The following ACAT2 variants were observed in gnomAD, a reference collection of about 807,000 sequenced individuals.
ACAT2 encodes the protein acetyl-CoA acetyltransferase, cytosolic.
A neutral mutation model predicts 37.1 loss-of-function variants in ACAT2; 26 were observed. The ratio of observed to expected loss-of-function variants is 0.70; its 90% CI spans 0.51 to 0.97. The LOEUF (loss-of-function observed/expected upper bound fraction) is 0.97, where lower values mean the gene tolerates loss of function less well. Among genes scored for constraint, ACAT2 ranks in the 50% least tolerant of loss-of-function variants. The pLI, the probability that ACAT2 is intolerant of heterozygous loss-of-function variation, is 0.00. For synonymous variants in ACAT2, 156 were observed against 163.6 expected (o/e 0.95, Z 0.35); for missense variants, 468 against 489.0 (o/e 0.96, Z 0.40).
chr6:159,771,514 C>T (rs1003841726), intron 4 of ACAT2, among the ~76,000 whole-genome samples: 2 of 152,108 alleles, frequency 1.3e-5, no homozygotes, highest in Admixed American at 1.3e-4. Context: ...AAGAAAATTT[C>T]CACATTTGGT....
At position 159,778,205 on chromosome 6, in the gene ACAT2, C is replaced by CAT. The variant is rs745677067; in HGVS notation, c.951_952dup (p.Phe318TyrfsTer15). On this transcript the variant is annotated frameshift_variant, in exon 8 of 9. Coordinates refer to ENST00000367048, the MANE Select transcript of ACAT2 (RefSeq NM_005891.3). LOFTEE classifies it high-confidence loss of function. ...CAGGTTGGTCACTGGAAGATGTTGA[C>CAT]ATATTTGAAATCAATGAAGCCTTTG... 1.9e-6 allele frequency: 3 copies of CAT among 1,612,692 alleles called. No homozygotes were observed. Among genetic ancestry groups the CAT allele is most frequent in the Non-Finnish European group, 2.5e-6 (3 of 1,179,622 alleles).
intron 4 of ACAT2, among the ~76,000 whole-genome samples, chr6:159,771,383 A>G (rs1780334408): frequency 1.3e-5 from 2 of 152,214 alleles, no homozygotes; most frequent in African/African-American, 4.8e-5. Context: ...TCCGTCTCAA[A>G]AAAATAAAAT....
In ACAT2 at chr6:159,778,394, C is replaced by G. The variant is rs184043487; in HGVS notation, c.1023+114C>G. 4,351 of 505,068 alleles carry G rather than the reference C, an allele frequency of 8.6e-3. 48 individuals are homozygous for G. The highest frequency in any genetic ancestry group is 0.055 in the Middle Eastern group (167 of 3,012). 31.3% of individuals were successfully genotyped at this position (505,068 alleles called of 1,614,324 possible). On this transcript the variant is annotated intron_variant, in intron 8 of 8. Transcript: ENST00000367048. ...GTAATAGTTAAAGAAATACTAGTTA[C>G]TAGGACTGAGTTCATTACTTCCCAA...
At chr6:159,765,883 G>A (rs1780248645) in intron 2 of ACAT2, among the ~76,000 whole-genome samples, 1 of 152,112 alleles carries the variant, frequency 6.6e-6, no homozygotes, top group Non-Finnish European at 1.5e-5. Flanking sequence ...TTTTATCAGC[G>A]ACTTATTTGC....
In ACAT2 at chr6:159,777,825, T is replaced by A. The variant is rs183004642; in HGVS notation, c.913-345T>A. On this transcript the variant is annotated intron_variant, in intron 7 of 8. Transcript: ENST00000367048. ...GCTCCCCAAGTGTTGAGATTTCAGG[T>A]GTGAGCCACTACCCCCAGCCACTGA... is the stretch of plus-strand genomic sequence containing the variant. Among the ~76,000 whole-genome samples the A allele has an allele frequency of 2.6e-5, 4 of 152,308 alleles. No homozygotes were observed. The East Asian group carries it at 7.7e-4, about 29-fold the overall frequency.
chr6:159,771,729 CAAGA>C (rs1344605000), intron 4 of ACAT2, among the ~76,000 whole-genome samples: 1 of 151,588 alleles, frequency 6.6e-6, no homozygotes, highest in Non-Finnish European at 1.5e-5. Flanking sequence ...ACCTACACTA[CAAGA>C]AATACTAAAG....
At chr6:159,762,869 G>A (rs750649095) in intron 1 of ACAT2, 50 bp from the exon 2 acceptor site, 4 of 1,598,566 alleles carry the variant, frequency 2.5e-6, no homozygotes, top group Non-Finnish European at 3.4e-6. Flanking sequence ...GGTGGTTCCC[G>A]TATTACCCGC....
In ACAT2 at chr6:159,776,306, T is replaced by C. The variant is rs1245020836; in HGVS notation, c.757+34T>C. 3.1e-6 allele frequency: 5 copies of C among 1,609,028 alleles called. No individual in the cohort carries two copies. The African/African-American group carries it at 6.7e-5, about 22-fold the overall frequency. The stretch of plus-strand genomic sequence containing the variant: ...TTCTGAAGGACATCTGGGGGAATAC[T>C]ATGTTCTATAATGTCTACCGAGTGA... On this transcript the variant is annotated intron_variant, in intron 6 of 8. Coordinates refer to ENST00000367048, the MANE Select transcript of ACAT2 (RefSeq NM_005891.3).
intron 1 of ACAT2, 174 bp from the exon 2 acceptor site, chr6:159,762,745 G>A (rs1419050350): frequency 2.6e-6 from 4 of 1,566,726 alleles, no homozygotes; most frequent in Middle Eastern, 1.7e-4. Flanking sequence ...TGCGAGTTGT[G>A]GCACCCACCT....
At chr6:159,764,479 G>T (rs1053115688) in intron 2 of ACAT2, among the ~76,000 whole-genome samples, 4 of 152,096 alleles carry the variant, frequency 2.6e-5, no homozygotes, top group African/African-American at 9.7e-5. Flanking sequence ...TCACTCTGTT[G>T]TCCAGGCTGG....
chr6:159,767,679 T>C (rs951725684), intron 3 of ACAT2, among the ~76,000 whole-genome samples: 2 of 152,196 alleles, frequency 1.3e-5, no homozygotes, highest in African/African-American at 2.4e-5. Context: ...CCAAGTTCCA[T>C]ACCTCAAACT....
chr6:159,776,828 G>A (rs1414260070), intron 6 of ACAT2, among the ~76,000 whole-genome samples: 11 of 151,556 alleles, frequency 7.3e-5, no homozygotes, highest in African/African-American at 2.2e-4. Flanking sequence ...TCACTCTGTC[G>A]CCCAGGCTGG....
intron 8 of ACAT2, 135 bp from the exon 9 acceptor site, chr6:159,778,524 T>C: frequency 9.9e-7 from 1 of 1,010,182 alleles, no homozygotes; most frequent in Non-Finnish European, 1.4e-6. Flanking sequence ...TGTAAATTTA[T>C]TCCTAAGCAG....
Position 159,767,024 on chromosome 6 carries a change from T to C in ACAT2, c.210T>C (p.Val70=). ...TTCTAGGCTGTGGGCAGAATCCTGT[T>C]AGACAAGCCAGTGTGGGTGCAGGAA... The part of the protein sequence containing the change: ...VLAAGCGQNP[V]RQASVGAGIP... The change falls in exon 3 of 9, where the codon GTT becomes GTC. Residue 70 remains valine (V), a synonymous_variant. Transcript: ENST00000367048. 1 of 1,614,044 alleles carries C rather than the reference T, an allele frequency of 6.2e-7. No individual in the cohort carries two copies. Among genetic ancestry groups the C allele is most frequent in the Non-Finnish European group, 8.5e-7 (1 of 1,179,912 alleles).
At chr6:159,774,637 T>C (rs866293775) in intron 4 of ACAT2, among the ~76,000 whole-genome samples, 1 of 151,954 alleles carries the variant, frequency 6.6e-6, no homozygotes, top group African/African-American at 2.4e-5. Flanking sequence ...GGAGACAGGG[T>C]CTCGCTGTGC....
In ACAT2 at chr6:159,778,803, A is replaced by G. The variant is rs1780496835; in HGVS notation, c.1168A>G (p.Ile390Val). The G allele has an allele frequency of 6.2e-7, 1 of 1,614,234 alleles. No individual in the cohort carries two copies. Among genetic ancestry groups the G allele is most frequent in the Non-Finnish European group, 8.5e-7 (1 of 1,180,038 alleles). Residue 390 changes from isoleucine to valine, a missense_variant, in exon 9 of 9, where the codon ATA (isoleucine) becomes GTA (valine). Coordinates refer to ENST00000367048, the MANE Select transcript of ACAT2 (RefSeq NM_005891.3). ...AALCIGGGMG[I>V]AMCVQRE ...CCTGTGCATTGGGGGTGGGATGGGA[A>G]TAGCAATGTGTGTTCAGAGAGAATG... is the stretch of plus-strand genomic sequence containing the variant.
intron 2 of ACAT2, among the ~76,000 whole-genome samples, chr6:159,763,554 T>G (rs1336023494): frequency 1.3e-5 from 2 of 150,804 alleles, no homozygotes; most frequent in Non-Finnish European, 3.0e-5. Flanking sequence ...ACAAAAAGAC[T>G]TAGCTTCATT....
intron 2 of ACAT2, among the ~76,000 whole-genome samples, chr6:159,763,987 GC>G (rs1405931510): frequency 6.6e-6 from 1 of 150,852 alleles, no homozygotes; most frequent in African/African-American, 2.4e-5. Context: ...TGTATTCCCA[GC>G]TACTTGGGAG....
chr6:159,778,482 GTAAGA>G, intron 8 of ACAT2, 172 bp from the exon 9 acceptor site: 1 of 752,504 alleles, frequency 1.3e-6, no homozygotes, highest in Non-Finnish European at 2.0e-6. Context: ...AAGGAACGAG[GTAAGA>G]TAGGCAGGGA....
Sources: gnomAD v4.1 joint callset for allele counts (sites outside exome capture counted in the v4.1 genomes callset) on GRCh38, gnomAD v4.1.1 for gene constraint, MANE v1.5 for transcripts, NCBI Gene and HGNC (gene_info 2026-07-23, HGNC 2026-07-21) for gene names.